Variants in KHDRBS2 observed in about 807,000 individuals in gnomAD.
KHDRBS2 encodes the protein KH RNA binding domain containing, signal transduction associated 2.
In KHDRBS2, 26 loss-of-function variants were observed where a neutral mutation model predicts 44.3. That is an observed-to-expected ratio of 0.59 (90% confidence interval 0.43 to 0.81). The LOEUF (loss-of-function observed/expected upper bound fraction) is 0.81. Ranked by LOEUF, KHDRBS2 falls within the 40% of genes least tolerant of loss-of-function variation. KHDRBS2 has a pLI of 0.00. For synonymous variants in KHDRBS2, 194 were observed against 151.1 expected, an observed-to-expected ratio of 1.28 and a Z score of -2.08; for missense variants, 476 against 433.1, an observed-to-expected ratio of 1.10 and a Z score of -0.88.
At chr6:62,211,251 A>C (rs1287414334) in intron 1 of KHDRBS2, among the ~76,000 whole-genome samples, 2 of 150,534 alleles carry the variant, frequency 1.3e-5, no homozygotes, top group Non-Finnish European at 2.9e-5. Flanking sequence ...AAATGATCAA[A>C]TCTAAGGTTT....
chr6:62,077,465 G>C (rs1322690814), intron 2 of KHDRBS2, among the ~76,000 whole-genome samples: 1 of 152,066 alleles, frequency 6.6e-6, no homozygotes, highest in African/African-American at 2.4e-5. Context: ...TGCATTCCTA[G>C]TTCCAGGGAC....
chr6:62,073,530 C>CTT (rs60124030), intron 2 of KHDRBS2, among the ~76,000 whole-genome samples: 1,689 of 124,372 alleles, frequency 0.014, 16 homozygotes, highest in South Asian at 0.06. Context: ...TTTCTTTTTT[C>CTT]TTTTTTTTTT....
intron 6 of KHDRBS2, among the ~76,000 whole-genome samples, chr6:61,736,675 G>C (rs1281753107): frequency 6.6e-6 from 1 of 151,972 alleles, no homozygotes; most frequent in Non-Finnish European, 1.5e-5. Context: ...GTAGGTACTT[G>C]TCTTCAGGGC....
intron 2 of KHDRBS2, among the ~76,000 whole-genome samples, chr6:62,119,209 G>C (rs1357746309): frequency 6.6e-6 from 1 of 152,166 alleles, no homozygotes; most frequent in Admixed American, 6.5e-5. Context: ...AAACTGTTTA[G>C]AGGGATATGC....
the KHDRBS2 span, among the ~76,000 whole-genome samples, chr6:61,606,141 T>C: frequency 6.6e-6 from 1 of 152,110 alleles, no homozygotes; most frequent in African/African-American, 2.4e-5. Flanking sequence ...CCAAATCTTA[T>C]AAAAAGGCCC....
At chr6:61,954,965 TACGCATAC>T (rs1766167478) in intron 4 of KHDRBS2, among the ~76,000 whole-genome samples, 2 of 137,604 alleles carry the variant, frequency 1.5e-5, no homozygotes, top group Non-Finnish European at 3.2e-5. Flanking sequence ...TATGTATATA[TACGCATAC>T]ATATGTATGT....
At chr6:62,038,235 C>T (rs1470289968) in intron 3 of KHDRBS2, among the ~76,000 whole-genome samples, 6 of 151,926 alleles carry the variant, frequency 3.9e-5, no homozygotes, top group African/African-American at 7.2e-5. Context: ...GTGTTTTTGA[C>T]TTCACTCTTG....
Position 62,021,659 on chromosome 6 carries a change from T to A in KHDRBS2, c.336+26219A>T, listed in dbSNP as rs1782338829. Among the ~76,000 whole-genome samples the A allele has an allele frequency of 2.6e-5, 4 of 151,720 alleles. No individual in the cohort carries two copies. The South Asian group carries it at 8.3e-4, about 31-fold the overall frequency. ...TATCTAGTTATTCTTAATTATATTC[T>A]TAAGATAAAATGTGTCACTCTATTT... On this transcript the variant is annotated intron_variant, in intron 3 of 8. Coordinates refer to ENST00000281156, the MANE Select transcript of KHDRBS2 (RefSeq NM_152688.4).
chr6:62,217,629 A>C (rs1396080289), intron 1 of KHDRBS2, among the ~76,000 whole-genome samples: 3 of 151,846 alleles, frequency 2.0e-5, no homozygotes, highest in Non-Finnish European at 1.5e-5. Flanking sequence ...TTTAGGCTAC[A>C]TTTTCTTGAA....
chr6:61,845,309 GTTTT>G (rs35774578), intron 6 of KHDRBS2, among the ~76,000 whole-genome samples: 1 of 125,816 alleles, frequency 7.9e-6, no homozygotes. Flanking sequence ...ACAGTTCCTT[GTTTT>G]TTTTTTTTTT....
At chr6:61,660,499 G>GT in the KHDRBS2 span, among the ~76,000 whole-genome samples, 207 of 151,794 alleles carry the variant, frequency 1.4e-3, no homozygotes, top group African/African-American at 4.6e-3. Flanking sequence ...TTAAGCAAAT[G>GT]TAAGTGTAAT....
intron 2 of KHDRBS2, among the ~76,000 whole-genome samples, chr6:62,169,034 CAT>C (rs369570219): frequency 0.011 from 793 of 72,520 alleles, 20 homozygotes; most frequent in South Asian, 0.03. Context: ...GTTCTCCAGT[CAT>C]ATATATATAT....
chr6:62,090,958 T>G (rs778837177), intron 2 of KHDRBS2, among the ~76,000 whole-genome samples: 17 of 152,190 alleles, frequency 1.1e-4, no homozygotes, highest in Admixed American at 2.6e-4. Flanking sequence ...GAGCTCTTTA[T>G]GAAAAATAGT....
chr6:62,125,615 T>C (rs1349212935), intron 2 of KHDRBS2, among the ~76,000 whole-genome samples: 2 of 151,958 alleles, frequency 1.3e-5, no homozygotes. Flanking sequence ...GAGGGAAGAG[T>C]AAAGAGGACT....
chr6:62,112,870 T>C (rs575363535), intron 2 of KHDRBS2, among the ~76,000 whole-genome samples: 1 of 152,242 alleles, frequency 6.6e-6, no homozygotes, highest in Admixed American at 6.6e-5. Flanking sequence ...TCCCTGGAAT[T>C]ATCATGTAGG....
intron 6 of KHDRBS2, among the ~76,000 whole-genome samples, chr6:61,743,831 C>T (rs1776501357): frequency 6.8e-6 from 1 of 146,936 alleles, no homozygotes; most frequent in African/African-American, 2.5e-5. Flanking sequence ...TTCCTGTGTC[C>T]ATGTGTTCTC....
chr6:61,776,215 C>G (rs1781966726), intron 6 of KHDRBS2, among the ~76,000 whole-genome samples: 2 of 152,124 alleles, frequency 1.3e-5, no homozygotes, highest in Admixed American at 1.3e-4. Context: ...CATTACCATT[C>G]AGGACATAGG....
intron 8 of KHDRBS2, among the ~76,000 whole-genome samples, chr6:61,685,639 A>C (rs1452392930): frequency 6.6e-6 from 1 of 151,818 alleles, no homozygotes; most frequent in Non-Finnish European, 1.5e-5. Context: ...AGTCAGCGTC[A>C]CTGAGGAACA....
intron 2 of KHDRBS2, among the ~76,000 whole-genome samples, chr6:62,049,192 T>C (rs951106314): frequency 4.0e-5 from 6 of 151,856 alleles, no homozygotes; most frequent in Non-Finnish European, 8.8e-5. Flanking sequence ...AGACTATACA[T>C]AGGTGGTCAA....
Sources: allele counts gnomAD v4.1 joint callset (sites outside exome capture counted in the v4.1 genomes callset), GRCh38; gene constraint gnomAD v4.1.1; transcripts MANE v1.5; gene names NCBI Gene and HGNC (gene_info 2026-07-23, HGNC 2026-07-21).